The following SMYD3 variants were observed in gnomAD, a reference collection of about 807,000 sequenced individuals.
SMYD3 encodes the protein SET and MYND domain containing 3.
Under a neutral mutation model 57.7 loss-of-function variants are expected in SMYD3, and 36 were observed. The ratio of observed to expected loss-of-function variants is 0.62; its 90% confidence interval spans 0.48 to 0.82. The LOEUF is 0.82. Among genes scored for constraint, SMYD3 ranks in the 40% least tolerant of loss-of-function variants. The pLI is 0.00. For missense variants in SMYD3, 515 were observed against 538.8 expected (o/e 0.96, Z 0.44); for synonymous variants, 211 against 195.0 (o/e 1.08, Z -0.68).
chr1:246,281,551 C>T (rs2064442550), intron 5 of SMYD3, among the ~76,000 whole-genome samples: 1 of 152,194 alleles, frequency 6.6e-6, no homozygotes, highest in African/African-American at 2.4e-5. Flanking sequence ...CAACAGCAAA[C>T]ACCTTAAGCA....
At chr1:246,125,079 A>ACACACACACACAC (rs1206513856) in intron 5 of SMYD3, among the ~76,000 whole-genome samples, 4,188 of 108,060 alleles carry the variant, frequency 0.039, 183 homozygotes, top group East Asian at 0.18. Flanking sequence ...CTCAAAAAAA[A>ACACACACACACAC]AAAAAAAAAC....
chr1:246,230,384 C>T lies in SMYD3; in HGVS notation c.531+96817G>A, dbSNP rs141183601. On this transcript the variant is annotated intron_variant, in intron 5 of 11. Transcript: ENST00000490107. ...GCATAAACACATTCAAGAAAATAAG[C>T]GAAAATAAATTTTAAAAGAAGTACA... Among the ~76,000 whole-genome samples, 895 of 152,078 alleles carry T rather than the reference C, an allele frequency of 5.9e-3. 2 individuals are homozygous for T. Among genetic ancestry groups the T allele is most frequent in the Middle Eastern group, 0.014 (4 of 294 alleles).
At chr1:245,807,897 T>TTAA (rs1229687416) in intron 10 of SMYD3, among the ~76,000 whole-genome samples, 7 of 152,148 alleles carry the variant, frequency 4.6e-5, no homozygotes, top group African/African-American at 1.7e-4. Context: ...CCAGTTAAGC[T>TTAA]GAATAGCATG....
chr1:245,811,917 T>C (rs1215770826), intron 10 of SMYD3, among the ~76,000 whole-genome samples: 1 of 152,228 alleles, frequency 6.6e-6, no homozygotes, highest in Non-Finnish European at 1.5e-5. Context: ...GAATTTACAT[T>C]TGAACATGGG....
intron 1 of SMYD3, among the ~76,000 whole-genome samples, chr1:246,476,665 G>C (rs568632215): frequency 6.6e-6 from 1 of 152,240 alleles, no homozygotes; most frequent in South Asian, 2.1e-4. Context: ...CCTATATGAA[G>C]ACTTTCAATT....
intron 5 of SMYD3, among the ~76,000 whole-genome samples, chr1:246,085,822 T>C (rs1349487742): frequency 6.6e-6 from 1 of 152,152 alleles, no homozygotes; most frequent in African/African-American, 2.4e-5. Flanking sequence ...GCAGGAAAGA[T>C]ACTTTTCCTC....
intron 7 of SMYD3, among the ~76,000 whole-genome samples, chr1:245,923,035 G>A (rs2056094466): frequency 6.6e-6 from 1 of 151,952 alleles, no homozygotes. Flanking sequence ...TCATAGCCAT[G>A]GTCGTATATA....
In SMYD3 at chr1:246,114,919, C is replaced by T. The variant is rs1302024387; in HGVS notation, c.532-184982G>A. Among the ~76,000 whole-genome samples the T allele has an allele frequency of 4.6e-5, 7 of 152,058 alleles. 1 individual carries two copies. Among genetic ancestry groups the T allele is most frequent in the East Asian group, 1.9e-4 (1 of 5,174 alleles). ...TACTAGGATTACAGGCGTGAGCCTC[C>T]GCACCCGGCCTAAACTTGGTTTTAA... On this transcript the variant is annotated intron_variant, in intron 5 of 11. Transcript: ENST00000490107.
chr1:245,971,786 C>T (rs1435233221), intron 5 of SMYD3, among the ~76,000 whole-genome samples: 1 of 152,082 alleles, frequency 6.6e-6, no homozygotes, highest in Non-Finnish European at 1.5e-5. Context: ...TTGTGGGAGG[C>T]CCTTTGCTTA....
chr1:245,997,274 A>T (rs929884727), intron 5 of SMYD3, among the ~76,000 whole-genome samples: 1 of 152,236 alleles, frequency 6.6e-6, no homozygotes, highest in African/African-American at 2.4e-5. Flanking sequence ...TTACTCTCAG[A>T]CAGGGGGGAT....
chr1:245,920,249 C>G (rs2055800796), intron 7 of SMYD3, among the ~76,000 whole-genome samples: 1 of 144,898 alleles, frequency 6.9e-6, no homozygotes. Flanking sequence ...GGAGGCGGAG[C>G]TTGCAGTGAG....
chr1:245,964,796 T>TTTAA (rs1553375138), intron 5 of SMYD3, among the ~76,000 whole-genome samples: 6 of 131,344 alleles, frequency 4.6e-5, no homozygotes, highest in African/African-American at 1.7e-4. Context: ...ACAAAGATTG[T>TTTAA]AAAAAAAAAA....
intron 5 of SMYD3, among the ~76,000 whole-genome samples, chr1:246,119,413 CTTTTTT>C (rs111657622): frequency 7.7e-6 from 1 of 130,212 alleles, no homozygotes; most frequent in Non-Finnish European, 1.6e-5. Context: ...TTTGTTCTTT[CTTTTTT>C]TTTTTTTTTT....
chr1:245,925,188 C>T (rs1046294868), intron 7 of SMYD3, among the ~76,000 whole-genome samples: 10 of 151,956 alleles, frequency 6.6e-5, no homozygotes, highest in African/African-American at 2.2e-4. Context: ...AAAATTTTTT[C>T]CCAAGGAATT....
At chr1:246,205,849 C>T (rs2062992183) in intron 5 of SMYD3, among the ~76,000 whole-genome samples, 1 of 152,086 alleles carries the variant, frequency 6.6e-6, no homozygotes, top group African/African-American at 2.4e-5. Flanking sequence ...ACAACAAGAG[C>T]AAACTTCCCA....
intron 5 of SMYD3, among the ~76,000 whole-genome samples, chr1:246,114,713 C>T (rs2061313895): frequency 6.6e-6 from 1 of 151,212 alleles, no homozygotes; most frequent in African/African-American, 2.4e-5. Flanking sequence ...TCACTGCAAC[C>T]TCTGCCTACC....
At chr1:246,462,319 AATTCTCCCGTGG>A (rs2067813885) in intron 1 of SMYD3, among the ~76,000 whole-genome samples, 1 of 149,812 alleles carries the variant, frequency 6.7e-6, no homozygotes, top group Admixed American at 6.6e-5. Context: ...GGGTATAGTG[AATTCTCCCGTGG>A]ATGCTGCAGG....
intron 5 of SMYD3, among the ~76,000 whole-genome samples, chr1:246,135,517 G>A (rs12057728): frequency 0.013 from 1,932 of 152,024 alleles, 35 homozygotes; most frequent in African/African-American, 0.044. Context: ...AGTCCATGCT[G>A]GCAAATATAG....
At chr1:246,021,137 G>C (rs2059463968) in intron 5 of SMYD3, among the ~76,000 whole-genome samples, 1 of 152,176 alleles carries the variant, frequency 6.6e-6, no homozygotes. Flanking sequence ...CAGAGAGAAG[G>C]AAAGTATGAA....
Sources: gnomAD v4.1 joint callset for allele counts (sites outside exome capture counted in the v4.1 genomes callset) on GRCh38, gnomAD v4.1.1 for gene constraint, MANE v1.5 for transcripts, NCBI Gene and HGNC (gene_info 2026-07-23, HGNC 2026-07-21) for gene names.